SLC35F1: variants seen among roughly 807,000 people sequenced by gnomAD.
The protein encoded by SLC35F1 is chromosome 6 open reading frame 169.
SLC35F1 carries 14 observed loss-of-function variants against 48.7 expected under a neutral mutation model. The ratio of observed to expected loss-of-function variants is 0.29; its 90% CI spans 0.19 to 0.45. The LOEUF (loss-of-function observed/expected upper bound fraction) is 0.45. SLC35F1 is among the 20% of genes least tolerant of loss of function. The pLI is 1.00. For missense variants in SLC35F1, 404 were observed against 500.0 expected (o/e 0.81, Z 1.83); for synonymous variants, 190 against 202.2 (o/e 0.94, Z 0.51).
intron 1 of SLC35F1, among the ~76,000 whole-genome samples, chr6:118,022,006 GT>G (rs909429180): frequency 3.9e-5 from 6 of 152,142 alleles, no homozygotes; most frequent in African/African-American, 1.4e-4. Context: ...GCCACATTTT[GT>G]TGGTCAGAGC....
intron 1 of SLC35F1, among the ~76,000 whole-genome samples, chr6:117,911,039 C>T (rs945104404): frequency 6.6e-6 from 1 of 152,134 alleles, no homozygotes; most frequent in African/African-American, 2.4e-5. Context: ...ATAGCCTCTC[C>T]CCTTACTCTA....
chr6:117,922,943 A>T lies in SLC35F1; in HGVS notation c.173+15044A>T, dbSNP rs1222416614. On this transcript the variant is annotated intron_variant, in intron 1 of 7. Coordinates refer to ENST00000360388, the MANE Select transcript of SLC35F1 (RefSeq NM_001029858.4). ...AGCATTTTGGGCTAGCGGAGAACAC[A>T]TAAGCATGGAGAGCTTAGAGATCAT... is the stretch of plus-strand genomic sequence containing the variant. 7.2e-5 allele frequency among the ~76,000 whole-genome samples: 11 copies of T among 152,324 alleles called. No individual in the cohort carries two copies. The East Asian group carries it at 2.1e-3, about 29-fold the overall frequency.
At chr6:118,217,213 G>T (rs868170506) in intron 2 of SLC35F1, among the ~76,000 whole-genome samples, 10 of 152,134 alleles carry the variant, frequency 6.6e-5, no homozygotes, top group African/African-American at 2.4e-4. Flanking sequence ...ATTTGTGATG[G>T]CTAAGGTGGA....
At chr6:118,046,179 A>C (rs1562273495) in intron 1 of SLC35F1, among the ~76,000 whole-genome samples, 1 of 152,308 alleles carries the variant, frequency 6.6e-6, no homozygotes, top group South Asian at 2.1e-4. Flanking sequence ...TTAAAACTAG[A>C]CTAAATGAAT....
chr6:117,926,462 G>A (rs1271880872), intron 1 of SLC35F1, among the ~76,000 whole-genome samples: 1 of 152,078 alleles, frequency 6.6e-6, no homozygotes, highest in Non-Finnish European at 1.5e-5. Flanking sequence ...CTGACAACTA[G>A]AAAAAGAGGA....
At chr6:118,119,319 A>G (rs575181436) in intron 1 of SLC35F1, among the ~76,000 whole-genome samples, 268 of 152,310 alleles carry the variant, frequency 1.8e-3, no homozygotes, top group African/African-American at 6.3e-3. Context: ...TGTCTAGAAC[A>G]TGATAATTTT....
At chr6:118,180,660 G>A (rs376203101) in intron 2 of SLC35F1, among the ~76,000 whole-genome samples, 3 of 152,048 alleles carry the variant, frequency 2.0e-5, no homozygotes, top group Admixed American at 6.6e-5. Context: ...TATTCAGGAC[G>A]CAGGACAAAA....
At chr6:118,269,716 C>T (rs956185820) in intron 4 of SLC35F1, among the ~76,000 whole-genome samples, 3 of 151,968 alleles carry the variant, frequency 2.0e-5, no homozygotes, top group Non-Finnish European at 2.9e-5. Context: ...CAGGTACTCA[C>T]CAGAACATAA....
At chr6:118,121,589 G>A (rs1773553697) in intron 1 of SLC35F1, among the ~76,000 whole-genome samples, 1 of 152,120 alleles carries the variant, frequency 6.6e-6, no homozygotes, top group Non-Finnish European at 1.5e-5. Flanking sequence ...CTCTCATGCA[G>A]AATCCCATTT....
intron 3 of SLC35F1, among the ~76,000 whole-genome samples, chr6:118,236,200 T>C (rs1040372434): frequency 3.3e-5 from 5 of 152,146 alleles, no homozygotes; most frequent in African/African-American, 1.2e-4. Context: ...AGATAGCTAC[T>C]GTGTTTCTTT....
chr6:117,958,792 T>C (rs117177178), intron 1 of SLC35F1, among the ~76,000 whole-genome samples: 3 of 152,354 alleles, frequency 2.0e-5, no homozygotes, highest in Non-Finnish European at 4.4e-5. Context: ...AAGCTACACA[T>C]GACTATATAC....
At chr6:118,266,739 A>G (rs1275781009) in intron 3 of SLC35F1, among the ~76,000 whole-genome samples, 1 of 152,140 alleles carries the variant, frequency 6.6e-6, no homozygotes, top group Non-Finnish European at 1.5e-5. Flanking sequence ...ACTCTTCACC[A>G]CCAGCCTGTC....
rs1275842721 is a variant in SLC35F1, at chr6:117,923,675, G to GTACATATA, written c.173+15784_173+15791dup. 1.4e-4 allele frequency among the ~76,000 whole-genome samples: 5 copies of GTACATATA among 36,330 alleles called. 1 individual carries two copies. The highest frequency in any genetic ancestry group is 2.6e-4 in the Non-Finnish European group (5 of 19,566). 23.8% of individuals were successfully genotyped at this position (36,330 alleles called of 152,430 possible). A position where few individuals can be genotyped will look rare whatever the true frequency, so the allele number is the denominator to read the frequency against. On this transcript the variant is annotated intron_variant, in intron 1 of 7. Transcript: ENST00000360388. ...TGTACATATGTATATATACATATAT[G>GTACATATA]TACATATATACATATGTACATATAC...
chr6:118,134,582 T>C (rs1773765562), intron 1 of SLC35F1, among the ~76,000 whole-genome samples: 1 of 152,138 alleles, frequency 6.6e-6, no homozygotes, highest in Admixed American at 6.5e-5. Flanking sequence ...AATCCAAAGG[T>C]GAACTTGCGG....
intron 1 of SLC35F1, among the ~76,000 whole-genome samples, chr6:118,125,816 C>CA (rs1184851444): frequency 2.0e-5 from 3 of 152,180 alleles, no homozygotes; most frequent in Non-Finnish European, 4.4e-5. Flanking sequence ...TATGTGACCT[C>CA]ATTGATACCA....
intron 1 of SLC35F1, among the ~76,000 whole-genome samples, chr6:118,073,772 C>A (rs1270468748): frequency 1.3e-5 from 2 of 151,786 alleles, no homozygotes; most frequent in Non-Finnish European, 2.9e-5. Context: ...TTATGTGTAA[C>A]CTCATGTTGT....
chr6:118,076,444 C>T (rs565669986), intron 1 of SLC35F1, among the ~76,000 whole-genome samples: 1 of 152,234 alleles, frequency 6.6e-6, no homozygotes, highest in South Asian at 2.1e-4. Flanking sequence ...GTACAGGAGG[C>T]ATGGCTGGGG....
intron 1 of SLC35F1, among the ~76,000 whole-genome samples, chr6:117,913,069 A>G (rs1474951716): frequency 2.0e-5 from 3 of 152,188 alleles, no homozygotes; most frequent in Non-Finnish European, 2.9e-5. Context: ...TGTAGTTGCC[A>G]TTTCTCATAA....
chr6:118,186,150 C>T (rs953940605), intron 2 of SLC35F1, among the ~76,000 whole-genome samples: 1 of 152,014 alleles, frequency 6.6e-6, no homozygotes, highest in African/African-American at 2.4e-5. Context: ...GCTGCCTCTA[C>T]ACACACACAC....
Sources: gnomAD v4.1 joint callset for allele counts (sites outside exome capture counted in the v4.1 genomes callset) on GRCh38, gnomAD v4.1.1 for gene constraint, MANE v1.5 for transcripts, NCBI Gene and HGNC (gene_info 2026-07-23, HGNC 2026-07-21) for gene names.